PARD3B: variants seen among roughly 807,000 people sequenced by gnomAD.
PARD3B encodes par-3 family cell polarity regulator beta.
PARD3B carries 103 observed loss-of-function variants against 130.2 expected under a neutral mutation model. That is an observed-to-expected ratio of 0.79 (90% CI 0.67 to 0.93). The LOEUF (loss-of-function observed/expected upper bound fraction) is 0.93. PARD3B is among the 40% of genes least tolerant of loss of function. The probability of loss-of-function intolerance (pLI) is 0.00; values close to 1 mark genes in which losing one functional copy is unlikely to be tolerated. For missense variants in PARD3B, 1,609 were observed against 1,499.2 expected (o/e 1.07, Z -1.21); for synonymous variants, 583 against 553.2 (o/e 1.05, Z -0.76).
Position 205,122,919 on chromosome 2 carries a change from T to A in PARD3B, c.1165+970T>A, listed in dbSNP as rs2030921757. Among the ~76,000 whole-genome samples the A allele has an allele frequency of 6.6e-6, 1 of 152,226 alleles. No individual in the cohort carries two copies. The highest frequency in any genetic ancestry group is 2.1e-4 in the South Asian group (1 of 4,838). On this transcript the variant is annotated intron_variant, in intron 8 of 22. Transcript: ENST00000406610. The surrounding 1 kb of genome is among the most constrained non-coding windows in gnomAD (Gnocchi z 4.3). ...CAGTGTGCTTATCAATCAGGTTTTT[T>A]ATTTAAATGCCTCAGTTGTATTTTT...
intron 2 of PARD3B, among the ~76,000 whole-genome samples, chr2:204,707,969 A>G (rs2038257099): frequency 6.6e-6 from 1 of 152,040 alleles, no homozygotes; most frequent in African/African-American, 2.4e-5. Context: ...GAGGAGACCA[A>G]GAGACCCCTT....
rs1559049648 is a variant in PARD3B at position 204,675,722 on chromosome 2, T to C, written c.121-10459T>C. Among the ~76,000 whole-genome samples the C allele has an allele frequency of 6.6e-6, 1 of 152,202 alleles. No individual in the cohort carries two copies. The highest frequency in any genetic ancestry group is 1.5e-5 in the Non-Finnish European group (1 of 68,030). On this transcript the variant is annotated intron_variant, in intron 1 of 22. Transcript: ENST00000406610. This position sits in a 1 kb window ranked among gnomAD's most constrained non-coding sequence, Gnocchi z 4.4. ...GCTGAATGAAAGTGACATGGGTTAA[T>C]TAACATTCCTTTAAATATTTAGCTG...
At chr2:204,885,257 T>C (rs937940215) in intron 2 of PARD3B, among the ~76,000 whole-genome samples, 3 of 152,256 alleles carry the variant, frequency 2.0e-5, no homozygotes, top group Non-Finnish European at 4.4e-5. Context: ...CATCTATTTG[T>C]TGGCCTCATG....
At chr2:204,852,454 A>G (rs1445054746) in intron 2 of PARD3B, among the ~76,000 whole-genome samples, 1 of 152,136 alleles carries the variant, frequency 6.6e-6, no homozygotes, top group African/African-American at 2.4e-5. Flanking sequence ...AAATGTTCAT[A>G]TTGTAAAAAG....
chr2:205,227,901 T>C (rs1159304021), intron 15 of PARD3B, among the ~76,000 whole-genome samples: 1 of 152,178 alleles, frequency 6.6e-6, no homozygotes, highest in African/African-American at 2.4e-5. Context: ...TACTATCTTA[T>C]AACCCACTAT....
intron 1 of PARD3B, among the ~76,000 whole-genome samples, chr2:204,563,498 A>G (rs1432540428): frequency 6.6e-6 from 1 of 152,000 alleles, no homozygotes; most frequent in Admixed American, 6.5e-5. Flanking sequence ...CTTTTCCACT[A>G]AGACACATTG....
intron 22 of PARD3B, among the ~76,000 whole-genome samples, chr2:205,573,471 C>T (rs2053631353): frequency 6.6e-6 from 1 of 152,094 alleles, no homozygotes; most frequent in Non-Finnish European, 1.5e-5. Context: ...CAATGGATGG[C>T]ACATAGAGAA....
At position 205,394,434 on chromosome 2, in the gene PARD3B, C is replaced by T. The variant is rs1057498733; in HGVS notation, c.2631-6579C>T. On this transcript the variant is annotated intron_variant, in intron 18 of 22. Coordinates refer to ENST00000406610, the MANE Select transcript of PARD3B (RefSeq NM_001302769.2). ...CTCCATAAACAAGCTATTTTCCTCTCCTAGGCTGCTGATCTTTCTGAGTCT... is the reference window on the plus strand; with the variant it reads ...CTCCATAAACAAGCTATTTTCCTCTTCTAGGCTGCTGATCTTTCTGAGTCT... Among the ~76,000 whole-genome samples, 5 of 152,118 alleles carry T rather than the reference C, an allele frequency of 3.3e-5. No homozygotes were observed. The South Asian group carries it at 6.2e-4, about 19-fold the overall frequency.
At chr2:205,118,799 AAT>A (rs1380163475) in intron 6 of PARD3B, 120 bp from the exon 7 acceptor site, 2 of 755,258 alleles carry the variant, frequency 2.6e-6, no homozygotes, top group Admixed American at 8.0e-5. Context: ...CAGTTGCCTG[AAT>A]ATAAAGTAAA....
chr2:205,444,379 A>T lies in PARD3B; in HGVS notation c.3044+3707A>T, dbSNP rs567369645. Among the ~76,000 whole-genome samples the T allele has an allele frequency of 1.4e-4, 21 of 152,306 alleles. No individual in the cohort carries two copies. The South Asian group carries it at 4.4e-3, about 32-fold the overall frequency. On this transcript the variant is annotated intron_variant, in intron 20 of 22. Coordinates refer to ENST00000406610, the MANE Select transcript of PARD3B (RefSeq NM_001302769.2). Reference sequence around the variant, plus strand: ...TGAGGTGGGAGGATGGCTTGAGCCCAGGAGTCCAAGGCTGTAGTGACCTGT... The same window carrying T: ...TGAGGTGGGAGGATGGCTTGAGCCCTGGAGTCCAAGGCTGTAGTGACCTGT...
Position 205,517,571 on chromosome 2 carries a change from C to T in PARD3B, c.3180+17540C>T, listed in dbSNP as rs115338584. On this transcript the variant is annotated intron_variant, in intron 21 of 22. Coordinates refer to ENST00000406610, the MANE Select transcript of PARD3B (RefSeq NM_001302769.2). ...ATCTTGTGACTGGTTTTTCATGTCT[C>T]AATTTCCTTCATGTCAGCTCTGATT... Among the ~76,000 whole-genome samples the T allele has an allele frequency of 1.7e-3, 254 of 152,052 alleles. 2 individuals carry two copies. Among genetic ancestry groups the T allele is most frequent in the African/African-American group, 5.8e-3 (242 of 41,482 alleles).
At chr2:205,377,290 C>A (rs947724169) in intron 18 of PARD3B, among the ~76,000 whole-genome samples, 1 of 152,134 alleles carries the variant, frequency 6.6e-6, no homozygotes, top group Non-Finnish European at 1.5e-5. Flanking sequence ...AAGGTTTCAC[C>A]TGGAGTTCAT....
chr2:204,771,366 G>T (rs530300376), intron 2 of PARD3B, among the ~76,000 whole-genome samples: 31 of 152,196 alleles, frequency 2.0e-4, no homozygotes, highest in African/African-American at 7.5e-4. Context: ...GGATTTGCCA[G>T]CTTTGCTTTC....
intron 2 of PARD3B, among the ~76,000 whole-genome samples, chr2:204,762,116 A>ATTTTTTTTTTTTTTTTTTTTTTTTTTTTT (rs968166780): frequency 2.1e-5 from 2 of 95,376 alleles, no homozygotes; most frequent in African/African-American, 4.1e-5. Context: ...TTCTTTTTCT[A>ATTTTTTTTTTTTTTTTTTTTTTTTTTTTT]TTTTTTTTTT....
At chr2:204,980,408 C>G (rs1011091474) in intron 3 of PARD3B, among the ~76,000 whole-genome samples, 2 of 152,060 alleles carry the variant, frequency 1.3e-5, no homozygotes, top group Non-Finnish European at 2.9e-5. Context: ...ACAAATCTTT[C>G]TAGTAGAATT....
chr2:205,156,347 G>T (rs967310938), intron 10 of PARD3B, among the ~76,000 whole-genome samples: 17 of 151,162 alleles, frequency 1.1e-4, no homozygotes, highest in Non-Finnish European at 2.4e-4. Context: ...CACCAGCATG[G>T]CACATGTATA....
At position 205,542,354 on chromosome 2, in the gene PARD3B, T is replaced by TTGTGTGTGTGTGTGTG. The variant is rs143438143; in HGVS notation, c.3181-10956_3181-10941dup. ...CAGGAAACTATTCAGTAGTTTGTGT[T>TTGTGTGTGTGTGTGTG]TGTGTGTGTGTGTGTGTGTGTGTGT... is the stretch of plus-strand genomic sequence containing the variant. On this transcript the variant is annotated intron_variant, in intron 21 of 22. Transcript: ENST00000406610. Among the ~76,000 whole-genome samples, 396 of 145,186 alleles carry TTGTGTGTGTGTGTGTG rather than the reference T, an allele frequency of 2.7e-3. 6 individuals carry two copies. The highest frequency in any genetic ancestry group is 9.5e-3 in the African/African-American group (369 of 38,874).
intron 18 of PARD3B, among the ~76,000 whole-genome samples, chr2:205,315,328 C>A (rs10932102): frequency 8.6e-5 from 13 of 151,974 alleles, no homozygotes; most frequent in African/African-American, 2.7e-4. Flanking sequence ...TAGAGTGGCC[C>A]CGAGACTAAA....
At chr2:204,745,437 C>G (rs943123840) in intron 2 of PARD3B, among the ~76,000 whole-genome samples, 6 of 148,242 alleles carry the variant, frequency 4.0e-5, no homozygotes, top group African/African-American at 1.0e-4. Context: ...GAGTTTTGCT[C>G]TGTCACCTGG....
Sources: gnomAD v4.1 joint callset for allele counts (sites outside exome capture counted in the v4.1 genomes callset) on GRCh38, gnomAD v4.1.1 for gene constraint, Gnocchi (gnomAD v3.1) non-coding constraint, MANE v1.5 for transcripts, NCBI Gene and HGNC (gene_info 2026-07-23, HGNC 2026-07-21) for gene names.